The following PSMB1 variants were observed in gnomAD, a reference collection of about 807,000 sequenced individuals.
PSMB1 encodes proteasome subunit beta type-1.
Under a neutral mutation model 25.4 loss-of-function variants are expected in PSMB1, and 7 were observed. That is an observed-to-expected ratio of 0.28 (90% CI 0.16 to 0.52). The LOEUF (loss-of-function observed/expected upper bound fraction) is 0.52, where lower values mean the gene tolerates loss of function less well. Among genes scored for constraint, PSMB1 ranks in the 20% least tolerant of loss-of-function variants. The probability of loss-of-function intolerance (pLI) is 0.97; values close to 1 mark genes in which losing one functional copy is unlikely to be tolerated. For missense variants in PSMB1, 284 were observed against 302.2 expected, an observed-to-expected ratio of 0.94 and a Z score of 0.45; for synonymous variants, 119 against 115.0, an observed-to-expected ratio of 1.03 and a Z score of -0.22.
intron 4 of PSMB1, among the ~76,000 whole-genome samples, chr6:170,541,152 G>C (rs547787225): frequency 6.6e-6 from 1 of 152,196 alleles, no homozygotes; most frequent in Admixed American, 6.5e-5. Context: ...ACAGGATGTG[G>C]GGGAATCTCA....
intron 3 of PSMB1, among the ~76,000 whole-genome samples, chr6:170,544,314 C>T (rs1266335405): frequency 6.6e-6 from 1 of 152,166 alleles, no homozygotes; most frequent in Non-Finnish European, 1.5e-5. Flanking sequence ...CAGGGCAGCA[C>T]CCTTACTCTG....
chr6:170,552,503 A>T (rs1778918958), intron 1 of PSMB1, among the ~76,000 whole-genome samples: 1 of 132,912 alleles, frequency 7.5e-6, no homozygotes, highest in Admixed American at 7.4e-5. Flanking sequence ...GTTTTCCTGA[A>T]CTTAAGCTAA....
intron 4 of PSMB1, among the ~76,000 whole-genome samples, chr6:170,539,719 C>G (rs1244092078): frequency 6.6e-6 from 1 of 152,114 alleles, no homozygotes; most frequent in Non-Finnish European, 1.5e-5. Flanking sequence ...CCCAATACTT[C>G]AACTACTCGA....
chr6:170,535,932 G>T (rs1778684918), intron 5 of PSMB1, among the ~76,000 whole-genome samples: 1 of 152,194 alleles, frequency 6.6e-6, no homozygotes. Flanking sequence ...ATAAGCAGAG[G>T]AGTAGCTATA....
At chr6:170,549,335 T>C in intron 1 of PSMB1, 1 of 469,308 alleles carries the variant, frequency 2.1e-6, no homozygotes, top group Non-Finnish European at 3.8e-6. Context: ...CAAAGTCTCC[T>C]TGGCAGGAGT....
At chr6:170,535,471 T>A in intron 5 of PSMB1, 66 bp from the exon 6 acceptor site, 1 of 1,347,786 alleles carries the variant, frequency 7.4e-7, no homozygotes, top group Non-Finnish European at 1.0e-6. Context: ...GGTTCAAGTT[T>A]CTTCCAATAC....
chr6:170,553,252 G>C lies in PSMB1; in HGVS notation c.-10C>G. The C allele has an allele frequency of 6.3e-7, 1 of 1,588,894 alleles. No individual in the cohort carries two copies. Among genetic ancestry groups the C allele is most frequent in the Non-Finnish European group, 8.6e-7 (1 of 1,161,272 alleles). ...CTGTAGAGGACAACATCGCACGGCTGCGCCTGCGGATCCGACACTTGCTGT... is the reference window on the plus strand; with the variant it reads ...CTGTAGAGGACAACATCGCACGGCTCCGCCTGCGGATCCGACACTTGCTGT... On this transcript the variant is annotated 5_prime_UTR_variant, in exon 1 of 6. Transcript: ENST00000262193.
intron 2 of PSMB1, 44 bp from the exon 3 acceptor site, chr6:170,546,228 G>A: frequency 9.4e-6 from 14 of 1,481,502 alleles, no homozygotes; most frequent in South Asian, 2.3e-5. Flanking sequence ...TTAGATAGTA[G>A]AGCAAAACAT....
chr6:170,544,507 G>A (rs983261222), intron 3 of PSMB1, among the ~76,000 whole-genome samples: 2 of 152,132 alleles, frequency 1.3e-5, no homozygotes, highest in Admixed American at 6.5e-5. Flanking sequence ...AACATAAAAT[G>A]AATTCAAGAT....
At chr6:170,545,980 G>A (rs1778811900) in intron 3 of PSMB1, 123 bp downstream of exon 3, 2 of 757,978 alleles carry the variant, frequency 2.6e-6, no homozygotes, top group Admixed American at 2.6e-5. Flanking sequence ...GCATACATTT[G>A]TAATTCATCT....
chr6:170,549,470 C>G (rs921902819), intron 1 of PSMB1: 19 of 177,930 alleles, frequency 1.1e-4, no homozygotes, highest in African/African-American at 4.5e-4. Flanking sequence ...GACAGTGGTA[C>G]TACAACGCAA....
intron 1 of PSMB1, 167 bp from the exon 2 acceptor site, chr6:170,549,280 C>G: frequency 2.0e-6 from 1 of 501,396 alleles, no homozygotes; most frequent in East Asian, 3.0e-5. Context: ...CGCCTGGCTA[C>G]GAGTTGTCTG....
At chr6:170,546,576 C>T (rs1230881709) in intron 2 of PSMB1, among the ~76,000 whole-genome samples, 1 of 152,198 alleles carries the variant, frequency 6.6e-6, no homozygotes, top group African/African-American at 2.4e-5. Context: ...AGCAATTCCC[C>T]TGCCTCAGCC....
intron 5 of PSMB1, chr6:170,536,240 A>G: frequency 2.8e-6 from 1 of 354,194 alleles, no homozygotes; most frequent in Non-Finnish European, 5.6e-6. Context: ...AAATTAAGAG[A>G]AAGGTATGCC....
At chr6:170,540,061 CTAAAGCCACTTT>C (rs1315304108) in intron 4 of PSMB1, among the ~76,000 whole-genome samples, 1 of 151,028 alleles carries the variant, frequency 6.6e-6, no homozygotes, top group Admixed American at 6.6e-5. Flanking sequence ...TACAGAAAAA[CTAAAGCCACTTT>C]TAATTTGGGA....
chr6:170,551,263 A>C (rs1431539367), intron 1 of PSMB1, among the ~76,000 whole-genome samples: 1 of 152,228 alleles, frequency 6.6e-6, no homozygotes, highest in African/African-American at 2.4e-5. Context: ...TTACTGAAGA[A>C]GCCGAATCGA....
At chr6:170,543,786 GAACA>G in intron 3 of PSMB1, 56 bp from the exon 4 acceptor site, 2 of 1,495,880 alleles carry the variant, frequency 1.3e-6, no homozygotes, top group Non-Finnish European at 1.8e-6. Flanking sequence ...TTATAGACTA[GAACA>G]ATCAACAGTA....
chr6:170,544,231 A>C (rs1349740007), intron 3 of PSMB1, among the ~76,000 whole-genome samples: 1 of 151,146 alleles, frequency 6.6e-6, no homozygotes, highest in Non-Finnish European at 1.5e-5. Flanking sequence ...CAGAAAAATT[A>C]CGGCAATCCC....
intron 1 of PSMB1, 178 bp from the exon 2 acceptor site, chr6:170,549,291 G>A: frequency 1.0e-5 from 5 of 494,726 alleles, no homozygotes; most frequent in Admixed American, 3.7e-5. Flanking sequence ...GAGTTGTCTG[G>A]GAAAAAAAAA....
Sources: gnomAD v4.1 joint callset for allele counts (sites outside exome capture counted in the v4.1 genomes callset) on GRCh38, gnomAD v4.1.1 for gene constraint, MANE v1.5 for transcripts, NCBI Gene and HGNC (gene_info 2026-07-23, HGNC 2026-07-21) for gene names.